The following GLYR1 variants were observed in gnomAD, a reference collection of about 807,000 sequenced individuals.
GLYR1 encodes cytokine-like nuclear factor N-PAC.
A neutral mutation model predicts 72.7 loss-of-function variants in GLYR1; 21 were observed. The ratio of observed to expected loss-of-function variants is 0.29; its 90% CI spans 0.20 to 0.42. The LOEUF is 0.42. Among genes scored for constraint, GLYR1 ranks in the 10% least tolerant of loss-of-function variants. GLYR1 has a pLI of 1.00. For synonymous variants in GLYR1, 392 were observed against 270.2 expected (o/e 1.45, Z -4.42); for missense variants, 594 against 712.1 (o/e 0.83, Z 1.89).
At chr16:4,819,870 A>C (rs1205469580) in intron 9 of GLYR1, among the ~76,000 whole-genome samples, 3 of 152,108 alleles carry the variant, frequency 2.0e-5, no homozygotes, top group Non-Finnish European at 2.9e-5. Context: ...TTGTGGCTTA[A>C]AAACAAGGAG....
chr16:4,834,588 C>T (rs1022150139), intron 3 of GLYR1, among the ~76,000 whole-genome samples: 1 of 152,100 alleles, frequency 6.6e-6, no homozygotes, highest in Non-Finnish European at 1.5e-5. Context: ...GCCTCTATCT[C>T]CCGAGTTGCT....
intron 10 of GLYR1, among the ~76,000 whole-genome samples, chr16:4,816,022 G>A (rs1350528074): frequency 6.6e-6 from 1 of 152,170 alleles, no homozygotes; most frequent in Non-Finnish European, 1.5e-5. Context: ...CCCAGTCTCT[G>A]CCTTCCAAAG....
chr16:4,813,733 C>A lies in GLYR1; in HGVS notation c.1119+4G>T. 2 of 1,591,136 alleles carry A rather than the reference C, an allele frequency of 1.3e-6. No individual in the cohort carries two copies. The highest frequency in any genetic ancestry group is 4.5e-5 in the East Asian group (2 of 44,034). ...TGGAGAGCCAGCCCAAGGAAGGCTG[C>A]TACCTGGGCCAGCTCAGTGACGGTG... On this transcript the variant is annotated splice_donor_region_variant and intron_variant, in intron 12 of 15. Transcript: ENST00000321919.
intron 10 of GLYR1, among the ~76,000 whole-genome samples, chr16:4,814,974 C>G (rs1380419116): frequency 6.6e-6 from 1 of 152,230 alleles, no homozygotes; most frequent in African/African-American, 2.4e-5. Flanking sequence ...TGGCCCTGAG[C>G]TATCAACACT....
At chr16:4,815,293 G>A (rs1209466362) in intron 10 of GLYR1, among the ~76,000 whole-genome samples, 3 of 151,944 alleles carry the variant, frequency 2.0e-5, no homozygotes, top group East Asian at 3.9e-4. Context: ...GTAGAGACAG[G>A]GTTTCACCAT....
chr16:4,805,038 C>CTGACACT lies in GLYR1; in HGVS notation c.*191_*197dup. On this transcript the variant is annotated 3_prime_UTR_variant, in exon 16 of 16. Coordinates refer to ENST00000321919, the MANE Select transcript of GLYR1 (RefSeq NM_032569.4). ...AGAGCTTTCCCACACGCCAATCCTG[C>CTGACACT]TGACACTTGTCCCCTCCCCACCGGC... The CTGACACT allele has an allele frequency of 3.3e-6, 2 of 602,478 alleles. No homozygotes were observed. Among genetic ancestry groups the CTGACACT allele is most frequent in the Admixed American group, 2.7e-5 (1 of 36,494 alleles). 37.3% of individuals were successfully genotyped at this position (602,478 alleles called of 1,614,324 possible). A position where few individuals can be genotyped will look rare whatever the true frequency, so the allele number is the denominator to read the frequency against.
At chr16:4,834,273 A>G (rs2084981317) in intron 3 of GLYR1, among the ~76,000 whole-genome samples, 2 of 151,372 alleles carry the variant, frequency 1.3e-5, no homozygotes, top group Admixed American at 6.6e-5. Flanking sequence ...CACAGCTCCA[A>G]CTAGAGGAGT....
chr16:4,845,886 C>T (rs1214301016), intron 2 of GLYR1, among the ~76,000 whole-genome samples: 1 of 152,156 alleles, frequency 6.6e-6, no homozygotes, highest in South Asian at 2.1e-4. Flanking sequence ...CCTTTTGTTA[C>T]ATTTAAGCAT....
intron 12 of GLYR1, among the ~76,000 whole-genome samples, 155 bp downstream of exon 12, chr16:4,813,582 T>C (rs934253124): frequency 6.6e-6 from 1 of 152,190 alleles, no homozygotes; most frequent in African/African-American, 2.4e-5. Flanking sequence ...GGTTTGAAGG[T>C]GGAGCACGGG....
intron 2 of GLYR1, among the ~76,000 whole-genome samples, chr16:4,845,910 G>A (rs543650985): frequency 6.6e-6 from 1 of 152,138 alleles, no homozygotes; most frequent in African/African-American, 2.4e-5. Context: ...GCTAAATTCA[G>A]ACTAGAATTA....
intron 9 of GLYR1, among the ~76,000 whole-genome samples, chr16:4,818,261 C>T (rs142368676): frequency 2.7e-3 from 406 of 151,770 alleles, no homozygotes; most frequent in African/African-American, 8.7e-3. Flanking sequence ...CCAAAGTGCT[C>T]GGATTACAGG....
chr16:4,824,407 G>A (rs2084243904), intron 5 of GLYR1, among the ~76,000 whole-genome samples: 1 of 147,304 alleles, frequency 6.8e-6, no homozygotes, highest in Non-Finnish European at 1.5e-5. Flanking sequence ...GGTTGAGGCA[G>A]AAGAATCGCT....
At chr16:4,813,987 G>T in intron 11 of GLYR1, 149 bp from the exon 12 acceptor site, 2 of 563,824 alleles carry the variant, frequency 3.5e-6, no homozygotes, top group Non-Finnish European at 6.1e-6. Flanking sequence ...AATAAGCAAG[G>T]GATAGAAAAG....
Position 4,831,965 on chromosome 16 carries a change from G to T in GLYR1, c.537+14C>A, listed in dbSNP as rs377675780. The T allele has an allele frequency of 2.5e-6, 4 of 1,610,312 alleles. No homozygotes were observed. Among genetic ancestry groups the T allele is most frequent in the Non-Finnish European group, 3.4e-6 (4 of 1,178,242 alleles). ...GACATCACTAATCCCGGAAGCTGCA[G>T]AGAGAAAACAAACCTTCTCATCCTT... On this transcript the variant is annotated intron_variant, in intron 5 of 15. Transcript: ENST00000321919.
intron 9 of GLYR1, among the ~76,000 whole-genome samples, chr16:4,818,277 G>A (rs938553470): frequency 2.6e-5 from 4 of 151,794 alleles, no homozygotes; most frequent in Admixed American, 2.6e-4. Context: ...ACAGGCGTGA[G>A]CCACCATGCC....
intron 3 of GLYR1, among the ~76,000 whole-genome samples, chr16:4,834,560 C>G (rs1270850346): frequency 6.6e-6 from 1 of 152,004 alleles, no homozygotes; most frequent in Non-Finnish European, 1.5e-5. Context: ...CCTCCACCTC[C>G]CAGGTTCAAG....
At chr16:4,815,020 C>T (rs1202921938) in intron 10 of GLYR1, among the ~76,000 whole-genome samples, 1 of 152,194 alleles carries the variant, frequency 6.6e-6, no homozygotes, top group Non-Finnish European at 1.5e-5. Flanking sequence ...GGAAGCCTTC[C>T]ACCTGGTGGC....
Position 4,847,279 on chromosome 16 carries a change from C to A in GLYR1, c.-14G>T, listed in dbSNP as rs937354049. ...CACAGCCGCCATCTTACCACCCAAC[C>A]ACCGCCGACGCACGGGCCGCCGGGA... On this transcript the variant is annotated 5_prime_UTR_variant, in exon 1 of 16. Transcript: ENST00000321919. 1.2e-6 allele frequency: 2 copies of A among 1,609,994 alleles called. No individual in the cohort carries two copies.
Position 4,814,570 on chromosome 16 carries a change from G to C in GLYR1, c.984C>G (p.Phe328Leu). The change falls in exon 11 of 16, where the codon TTC becomes TTG. Residue 328 changes from phenylalanine (F) to leucine (L), a missense_variant. By Grantham distance (22) the Phe-to-Leu change is conservative. Coordinates refer to ENST00000321919, the MANE Select transcript of GLYR1 (RefSeq NM_032569.4). ...CCGCCTTGGGATCCGACACGCAGGC[G>C]AAAGTGATGTCGCAGGTTGAGACGA... is the stretch of plus-strand genomic sequence containing the variant. The part of the protein sequence containing the change: ...AEVVSTCDIT[F>L]ACVSDPKAAK... 6.2e-7 allele frequency: 1 copy of C among 1,614,054 alleles called. No homozygotes were observed. Among genetic ancestry groups the C allele is most frequent in the South Asian group, 1.1e-5 (1 of 91,080 alleles).
Sources: allele counts gnomAD v4.1 joint callset (sites outside exome capture counted in the v4.1 genomes callset), GRCh38; gene constraint gnomAD v4.1.1; transcripts MANE v1.5; gene names NCBI Gene and HGNC (gene_info 2026-07-23, HGNC 2026-07-21).